The following SYTL5 variants were observed in gnomAD, a reference collection of about 807,000 sequenced individuals.
The protein encoded by SYTL5 is synaptotagmin-like protein 5.
A neutral mutation model predicts 55.9 loss-of-function variants in SYTL5; 34 were observed. The ratio of observed to expected loss-of-function variants is 0.61; its 90% CI spans 0.46 to 0.81. The LOEUF is 0.81. Ranked by LOEUF, SYTL5 falls within the 30% of genes least tolerant of loss-of-function variation. The pLI is 0.00. For missense variants in SYTL5, 637 were observed against 546.7 expected, an observed-to-expected ratio of 1.17 and a Z score of -1.65; for synonymous variants, 221 against 188.7, an observed-to-expected ratio of 1.17 and a Z score of -1.40.
chrX:38,029,874 A>C (rs988190457), intron 1 of SYTL5, among the ~76,000 whole-genome samples: 9 of 111,960 alleles, frequency 8.0e-5, no homozygotes, highest in African/African-American at 2.9e-4. Context: ...AACACATATA[A>C]ATACACATAC....
chrX:38,085,828 A>G (rs1936649661), intron 6 of SYTL5, among the ~76,000 whole-genome samples: 2 of 110,995 alleles, frequency 1.8e-5, no homozygotes, highest in Non-Finnish European at 3.8e-5. Flanking sequence ...AGGCAATTAC[A>G]TTGTAATCTC....
intron 8 of SYTL5, among the ~76,000 whole-genome samples, 182 bp downstream of exon 8, chrX:38,094,606 G>C (rs972512077): frequency 9.0e-6 from 1 of 111,598 alleles, no homozygotes; most frequent in Non-Finnish European, 1.9e-5. Flanking sequence ...AAAGCTTTGG[G>C]CACCTTACAT....
the SYTL5 span, among the ~76,000 whole-genome samples, chrX:37,987,495 T>C: frequency 8.9e-6 from 1 of 112,554 alleles, no homozygotes; most frequent in Non-Finnish European, 1.9e-5. Flanking sequence ...GGATGTTTCA[T>C]AAGGATGAGA....
intron 12 of SYTL5, 99 bp from the exon 13 acceptor site, chrX:38,110,222 T>G (rs1937324051): frequency 1.5e-5 from 8 of 517,142 alleles, no homozygotes; most frequent in Non-Finnish European, 1.5e-5. Context: ...ATATTACTGA[T>G]GCATATGATC....
At chrX:38,069,964 T>G (rs1936211415) in intron 3 of SYTL5, among the ~76,000 whole-genome samples, 1 of 111,981 alleles carries the variant, frequency 8.9e-6, no homozygotes, top group Non-Finnish European at 1.9e-5. Context: ...ATAAGCGTAT[T>G]TTATATAGTT....
chrX:37,968,413 T>A, the SYTL5 span, among the ~76,000 whole-genome samples: 1 of 111,538 alleles, frequency 9.0e-6, no homozygotes, highest in African/African-American at 3.3e-5. Flanking sequence ...TTACCTTTTC[T>A]GGTGAAAAGG....
At chrX:38,046,647 C>A (rs182644431) in intron 2 of SYTL5, among the ~76,000 whole-genome samples, 106 of 111,612 alleles carry the variant, frequency 9.5e-4, no homozygotes, top group African/African-American at 3.2e-3. Context: ...CTCATGTCCT[C>A]ACATTTCAAA....
chrX:38,055,782 G>A (rs1935763022), intron 3 of SYTL5, among the ~76,000 whole-genome samples: 1 of 111,774 alleles, frequency 8.9e-6, no homozygotes, highest in African/African-American at 3.3e-5. Context: ...CCTGAATAGA[G>A]CAATTCAAAC....
At chrX:38,034,032 G>A (rs1935035792) in intron 2 of SYTL5, 24 bp downstream of exon 2, 1 of 964,650 alleles carries the variant, frequency 1.0e-6, no homozygotes, top group South Asian at 2.5e-5. Flanking sequence ...TATTTTTTCA[G>A]TCCTCCTTGA....
intron 5 of SYTL5, among the ~76,000 whole-genome samples, chrX:38,074,887 G>T (rs988736906): frequency 9.7e-6 from 1 of 102,876 alleles, no homozygotes; most frequent in Non-Finnish European, 2.0e-5. Flanking sequence ...CAATCATATT[G>T]CACTCTGACA....
At chrX:38,011,195 A>G (rs748889197) in intron 1 of SYTL5, among the ~76,000 whole-genome samples, 40 of 112,677 alleles carry the variant, frequency 3.5e-4, no homozygotes, top group Non-Finnish European at 6.0e-4. Flanking sequence ...ATTGATAAAA[A>G]TTACTTACAT....
chrX:37,985,635 C>T, the SYTL5 span, among the ~76,000 whole-genome samples: 20,116 of 109,420 alleles, frequency 0.18, 1,767 homozygotes, highest in Non-Finnish European at 0.26. Flanking sequence ...TAATCCATCC[C>T]TATCAGAATC....
rs1937221336 is a variant in SYTL5 at position 38,106,646 on chromosome X, C to T, written c.1209C>T (p.Asn403=). ...SVYSETGDYG[N]VKVSGEILLH... ...ACAGTGAAACGGGAGACTATGGCAA[C>T]GTGAAAGTCAGTGGTGAAATCCTTC... The change falls in exon 11 of 17, where the codon AAC becomes AAT. Residue 403 remains asparagine, a synonymous_variant. Transcript: ENST00000297875. 1.7e-6 allele frequency: 2 copies of T among 1,208,933 alleles called. No individual in the cohort carries two copies. Among genetic ancestry groups the T allele is most frequent in the South Asian group, 1.8e-5 (1 of 56,150 alleles).
the SYTL5 span, among the ~76,000 whole-genome samples, chrX:37,970,387 T>A: frequency 1.8e-5 from 2 of 109,271 alleles, no homozygotes; most frequent in African/African-American, 6.6e-5. Context: ...TACCTCTTTA[T>A]ATCTTTAACT....
At chrX:38,107,888 T>C (rs1937257230) in intron 11 of SYTL5, among the ~76,000 whole-genome samples, 1 of 112,113 alleles carries the variant, frequency 8.9e-6, no homozygotes, top group Admixed American at 9.4e-5. Context: ...TCAACAGATA[T>C]TCTGTAGAAC....
intron 6 of SYTL5, among the ~76,000 whole-genome samples, chrX:38,076,933 T>C (rs1195323194): frequency 8.9e-6 from 1 of 111,997 alleles, no homozygotes; most frequent in Non-Finnish European, 1.9e-5. Context: ...AACTTTATAT[T>C]CTGGCACTTG....
chrX:37,892,721 TTAG>T, the SYTL5 span, among the ~76,000 whole-genome samples: 2 of 76,494 alleles, frequency 2.6e-5, no homozygotes, highest in African/African-American at 1.0e-4. Context: ...TATGTATATA[TTAG>T]TATATATACG....
the SYTL5 span, among the ~76,000 whole-genome samples, chrX:37,992,091 A>G: frequency 8.9e-6 from 1 of 112,916 alleles, no homozygotes; most frequent in Admixed American, 9.3e-5. Context: ...TTTAAATTGA[A>G]TACTTATTCA....
At chrX:38,036,686 T>C (rs1267436741) in intron 2 of SYTL5, among the ~76,000 whole-genome samples, 1 of 111,995 alleles carries the variant, frequency 8.9e-6, no homozygotes, top group Non-Finnish European at 1.9e-5. Flanking sequence ...CATTCCAAAG[T>C]GGGTGGCATG....
Sources: allele counts gnomAD v4.1 joint callset (sites outside exome capture counted in the v4.1 genomes callset), GRCh38; gene constraint gnomAD v4.1.1; transcripts MANE v1.5; gene names NCBI Gene and HGNC (gene_info 2026-07-23, HGNC 2026-07-21).